The following TECRL variants were observed in gnomAD, a reference collection of about 807,000 sequenced individuals.
The protein encoded by TECRL is trans-2,3-enoyl-CoA reductase like.
Under a neutral mutation model 52.8 loss-of-function variants are expected in TECRL, and 63 were observed. That is an observed-to-expected ratio of 1.19 (90% confidence interval 0.97 to 1.47). TECRL has a LOEUF of 1.47. Among genes scored for constraint, TECRL ranks in the 40% most tolerant of loss-of-function variants. The probability of loss-of-function intolerance (pLI) is 0.00; values close to 1 mark genes in which losing one functional copy is unlikely to be tolerated. For missense variants in TECRL, 482 were observed against 429.6 expected (o/e 1.12, Z -1.08); for synonymous variants, 164 against 141.9 (o/e 1.16, Z -1.10).
At chr4:64,339,108 A>G (rs561140566) in intron 2 of TECRL, among the ~76,000 whole-genome samples, 1 of 152,176 alleles carries the variant, frequency 6.6e-6, no homozygotes, top group South Asian at 2.1e-4. Context: ...TAGCCATAAA[A>G]AATGATGAGT....
chr4:64,312,865 T>TATG (rs1717143527), intron 5 of TECRL, among the ~76,000 whole-genome samples: 1 of 152,154 alleles, frequency 6.6e-6, no homozygotes, highest in Non-Finnish European at 1.5e-5. Flanking sequence ...ATGTTACATA[T>TATG]TTAGCCTAAA....
In TECRL at chr4:64,280,046, T is replaced by A. The variant is rs1468326134; in HGVS notation, c.*26A>T. 6.4e-7 allele frequency: 1 copy of A among 1,573,254 alleles called. No individual in the cohort carries two copies. Among genetic ancestry groups the A allele is most frequent in the African/African-American group, 1.4e-5 (1 of 72,842 alleles). On this transcript the variant is annotated 3_prime_UTR_variant, in exon 12 of 12. Transcript: ENST00000381210. ...ATTTATTGAATTTATATGTTGCTGTTTTCTATAGGAGATAAGATTCTTTTT... is the reference window on the plus strand; with the variant it reads ...ATTTATTGAATTTATATGTTGCTGTATTCTATAGGAGATAAGATTCTTTTT...
intron 1 of TECRL, among the ~76,000 whole-genome samples, chr4:64,376,674 A>T (rs1053748667): frequency 1.1e-4 from 16 of 151,878 alleles, no homozygotes; most frequent in African/African-American, 3.6e-4. Context: ...TTTGTCCATT[A>T]GTTGTATCAA....
At chr4:64,295,868 T>C (rs1347261882) in intron 8 of TECRL, among the ~76,000 whole-genome samples, 1 of 151,942 alleles carries the variant, frequency 6.6e-6, no homozygotes, top group East Asian at 1.9e-4. Flanking sequence ...ATATCTTTAA[T>C]TAGTCAACTA....
At chr4:64,362,628 T>TG (rs142656724) in intron 2 of TECRL, among the ~76,000 whole-genome samples, 1 of 90,736 alleles carries the variant, frequency 1.1e-5, no homozygotes, top group Non-Finnish European at 2.3e-5. Context: ...AAAATAAAAC[T>TG]TTTTTCAGAG....
At position 64,291,983 on chromosome 4, in the gene TECRL, T is replaced by C. The variant is rs558152202; in HGVS notation, c.775-2216A>G. Among the ~76,000 whole-genome samples the C allele has an allele frequency of 4.6e-5, 7 of 152,102 alleles. No individual in the cohort carries two copies. In the East Asian group the frequency reaches 1.4e-3, roughly 29 times the overall value. On this transcript the variant is annotated intron_variant, in intron 8 of 11. Coordinates refer to ENST00000381210, the MANE Select transcript of TECRL (RefSeq NM_001010874.5). ...ACTTCTTAAGGATTTTAAAGAGCAA[T>C]AATAACTAGTAATTTCCATTTTAAG...
At chr4:64,284,576 G>A (rs549649714) in intron 9 of TECRL, among the ~76,000 whole-genome samples, 5 of 152,038 alleles carry the variant, frequency 3.3e-5, no homozygotes, top group South Asian at 2.1e-4. Flanking sequence ...AGTAGTGAAC[G>A]GGATTAAAGG....
intron 8 of TECRL, among the ~76,000 whole-genome samples, chr4:64,290,190 G>C (rs945611794): frequency 3.3e-5 from 5 of 152,114 alleles, no homozygotes; most frequent in Admixed American, 2.0e-4. Flanking sequence ...TTTCCAGCTA[G>C]TTTCAGCTCA....
intron 2 of TECRL, among the ~76,000 whole-genome samples, chr4:64,361,904 G>A (rs1260716570): frequency 2.0e-5 from 3 of 152,130 alleles, no homozygotes; most frequent in African/African-American, 7.2e-5. Context: ...AATCTGGATA[G>A]AAAGGAGGCT....
At chr4:64,369,158 A>G (rs908298055) in intron 2 of TECRL, among the ~76,000 whole-genome samples, 1 of 152,148 alleles carries the variant, frequency 6.6e-6, no homozygotes, top group South Asian at 2.1e-4. Context: ...TTTTGTTCAG[A>G]AATGTTTATG....
intron 3 of TECRL, among the ~76,000 whole-genome samples, chr4:64,326,227 A>T (rs962626565): frequency 6.6e-6 from 1 of 152,122 alleles, no homozygotes; most frequent in Admixed American, 6.6e-5. Flanking sequence ...GATGGAAAAA[A>T]ATCTATTTTT....
chr4:64,286,754 G>A (rs1238786909), intron 9 of TECRL, among the ~76,000 whole-genome samples: 2 of 152,076 alleles, frequency 1.3e-5, no homozygotes, highest in African/African-American at 2.4e-5. Context: ...AAGATAAAGA[G>A]TGAACATTAA....
rs1179611561 is a variant in TECRL at position 64,338,263 on chromosome 4, C to T, written c.287-9707G>A. 2.0e-5 allele frequency among the ~76,000 whole-genome samples: 3 copies of T among 152,254 alleles called. No individual in the cohort carries two copies. In the South Asian group the frequency reaches 6.2e-4, roughly 32 times the overall value. ...GCTGAAACTGGATCCCTTCCTTACA[C>T]CTTATACAAAAATTAATTCAAGATG... On this transcript the variant is annotated intron_variant, in intron 2 of 11. Transcript: ENST00000381210.
intron 2 of TECRL, among the ~76,000 whole-genome samples, chr4:64,360,321 G>A (rs932702642): frequency 6.6e-6 from 1 of 152,124 alleles, no homozygotes; most frequent in Admixed American, 6.6e-5. Flanking sequence ...CAATTTTAAA[G>A]TTGAGTAATA....
intron 2 of TECRL, among the ~76,000 whole-genome samples, chr4:64,361,937 A>G (rs1203894897): frequency 6.6e-6 from 1 of 152,188 alleles, no homozygotes; most frequent in African/African-American, 2.4e-5. Context: ...GCAGAAGGTT[A>G]AAATCCAATC....
intron 2 of TECRL, among the ~76,000 whole-genome samples, chr4:64,332,941 A>G (rs960538970): frequency 2.6e-5 from 4 of 152,108 alleles, no homozygotes; most frequent in African/African-American, 9.7e-5. Flanking sequence ...ATTGAATGAT[A>G]TGATGGCTGA....
At chr4:64,282,547 G>C (rs1722880609) in intron 9 of TECRL, among the ~76,000 whole-genome samples, 1 of 151,782 alleles carries the variant, frequency 6.6e-6, no homozygotes, top group Non-Finnish European at 1.5e-5. Flanking sequence ...AGACACCTTT[G>C]TGTAATGTCC....
At chr4:64,385,780 G>T (rs932296048) in intron 1 of TECRL, among the ~76,000 whole-genome samples, 17 of 152,178 alleles carry the variant, frequency 1.1e-4, no homozygotes, top group African/African-American at 3.9e-4. Context: ...GTGGACTCCA[G>T]GCAGCTCCTT....
intron 1 of TECRL, among the ~76,000 whole-genome samples, chr4:64,399,498 GA>G: frequency 6.6e-6 from 1 of 152,064 alleles, no homozygotes; most frequent in Non-Finnish European, 1.5e-5. Context: ...AAGACAATGA[GA>G]AAAAGGCCTG....
Sources: allele counts gnomAD v4.1 joint callset (sites outside exome capture counted in the v4.1 genomes callset), GRCh38; gene constraint gnomAD v4.1.1; transcripts MANE v1.5; gene names NCBI Gene and HGNC (gene_info 2026-07-23, HGNC 2026-07-21).